ELAPOR2: variants seen among roughly 807,000 people sequenced by gnomAD.
ELAPOR2 encodes the protein endosome-lysosome associated apoptosis and autophagy regulator family member 2, also known as endosome/lysosome-associated apoptosis and autophagy regulator family member 2.
Under a neutral mutation model 120.7 loss-of-function variants are expected in ELAPOR2, and 89 were observed. That is an observed-to-expected ratio of 0.74 (90% CI 0.62 to 0.88). The LOEUF (loss-of-function observed/expected upper bound fraction) is 0.88. Ranked by LOEUF, ELAPOR2 falls within the 40% of genes least tolerant of loss-of-function variation. ELAPOR2 has a pLI of 0.00. For synonymous variants in ELAPOR2, 444 were observed against 444.9 expected, an observed-to-expected ratio of 1.00 and a Z score of 0.03; for missense variants, 1,134 against 1,251.6, an observed-to-expected ratio of 0.91 and a Z score of 1.42.
At chr7:86,922,233 T>G (rs1789864925) in intron 10 of ELAPOR2, among the ~76,000 whole-genome samples, 1 of 152,114 alleles carries the variant, frequency 6.6e-6, no homozygotes, top group East Asian at 1.9e-4. Flanking sequence ...CTATTATAAT[T>G]TTTATACATT....
At chr7:86,923,488 A>G (rs1562924595) in intron 10 of ELAPOR2, among the ~76,000 whole-genome samples, 1 of 152,022 alleles carries the variant, frequency 6.6e-6, no homozygotes, top group Non-Finnish European at 1.5e-5. Flanking sequence ...GCTATATCAT[A>G]ATTTTATTTA....
chr7:87,048,548 A>G lies in ELAPOR2; in HGVS notation c.189+10777T>C, dbSNP rs1026023087. Among the ~76,000 whole-genome samples, 13 of 152,352 alleles carry G rather than the reference A, an allele frequency of 8.5e-5. No homozygotes were observed. In the South Asian group the frequency reaches 2.7e-3, roughly 32 times the overall value. Reference sequence around the variant, plus strand: ...TGGTACAAAAAAATAGAAAAAATAAATAAGTCCTATTATTTGATACCACAA... The same window carrying G: ...TGGTACAAAAAAATAGAAAAAATAAGTAAGTCCTATTATTTGATACCACAA... On this transcript the variant is annotated intron_variant, in intron 1 of 21. Transcript: ENST00000450689.
intron 1 of ELAPOR2, among the ~76,000 whole-genome samples, chr7:87,041,406 G>T (rs141222930): frequency 1.3e-5 from 2 of 152,124 alleles, no homozygotes; most frequent in African/African-American, 2.4e-5. Flanking sequence ...CAGACTAACA[G>T]CGGATCTCTC....
chr7:87,007,499 C>A (rs1026559999), intron 1 of ELAPOR2, among the ~76,000 whole-genome samples: 1 of 152,110 alleles, frequency 6.6e-6, no homozygotes, highest in Non-Finnish European at 1.5e-5. Context: ...GATATGCACA[C>A]GTTTATATGC....
intron 1 of ELAPOR2, among the ~76,000 whole-genome samples, chr7:87,026,166 T>C (rs1794237209): frequency 2.0e-5 from 3 of 152,182 alleles, no homozygotes; most frequent in African/African-American, 7.2e-5. Context: ...CTGGAAGAGT[T>C]GTGATTTCAT....
intron 1 of ELAPOR2, among the ~76,000 whole-genome samples, chr7:87,043,223 T>C (rs1342198775): frequency 2.0e-5 from 3 of 151,406 alleles, no homozygotes; most frequent in Non-Finnish European, 4.4e-5. Flanking sequence ...ACTATTCCAA[T>C]CAATAGAAAA....
intron 1 of ELAPOR2, among the ~76,000 whole-genome samples, chr7:86,974,580 AGTGTGT>A (rs35712048): frequency 4.4e-4 from 61 of 138,828 alleles, no homozygotes; most frequent in African/African-American, 8.1e-4. Flanking sequence ...GAACCCCTGT[AGTGTGT>A]GTGTGTGTGT....
chr7:86,910,145 C>T (rs1172223234), intron 15 of ELAPOR2, 144 bp from the exon 16 acceptor site: 1 of 609,626 alleles, frequency 1.6e-6, no homozygotes, highest in Admixed American at 3.3e-5. Flanking sequence ...TGAGGCCTAG[C>T]CACCCATCAG....
intron 1 of ELAPOR2, among the ~76,000 whole-genome samples, chr7:87,006,650 T>A (rs1383260558): frequency 2.6e-5 from 4 of 152,204 alleles, no homozygotes; most frequent in Non-Finnish European, 5.9e-5. Context: ...GGTAGTTTCC[T>A]ATACAGCTCA....
At chr7:87,022,452 T>A (rs1794081251) in intron 1 of ELAPOR2, among the ~76,000 whole-genome samples, 1 of 152,142 alleles carries the variant, frequency 6.6e-6, no homozygotes, top group Non-Finnish European at 1.5e-5. Flanking sequence ...GGTGTATATG[T>A]GCCACAATTT....
At chr7:86,891,910 T>C (rs772145326) in intron 20 of ELAPOR2, 21 bp from the exon 21 acceptor site, 11 of 1,435,682 alleles carry the variant, frequency 7.7e-6, no homozygotes, top group Middle Eastern at 1.8e-4. Context: ...ATAAAATAAA[T>C]AAACAAATAA....
intron 8 of ELAPOR2, among the ~76,000 whole-genome samples, chr7:86,928,634 C>T (rs534052273): frequency 6.6e-6 from 1 of 151,970 alleles, no homozygotes; most frequent in Non-Finnish European, 1.5e-5. Context: ...AAGTCAAACA[C>T]AACTAGTAAA....
chr7:87,029,827 A>G (rs1794370377), intron 1 of ELAPOR2, among the ~76,000 whole-genome samples: 1 of 152,198 alleles, frequency 6.6e-6, no homozygotes, highest in Admixed American at 6.6e-5. Flanking sequence ...CGAGATTTAC[A>G]AAGAGGTCAT....
chr7:86,957,468 A>C (rs1178685313), intron 2 of ELAPOR2, among the ~76,000 whole-genome samples: 2 of 152,244 alleles, frequency 1.3e-5, no homozygotes, highest in Non-Finnish European at 2.9e-5. Context: ...TCTGTCCATG[A>C]GAGTTTACTC....
chr7:86,946,420 C>T (rs1791010920), intron 3 of ELAPOR2, among the ~76,000 whole-genome samples: 1 of 152,176 alleles, frequency 6.6e-6, no homozygotes, highest in Non-Finnish European at 1.5e-5. Context: ...GAGTTTTGCT[C>T]TTGTTGCCCA....
At chr7:86,948,484 A>G (rs1466075543) in intron 2 of ELAPOR2, among the ~76,000 whole-genome samples, 1 of 152,202 alleles carries the variant, frequency 6.6e-6, no homozygotes, top group Non-Finnish European at 1.5e-5. Flanking sequence ...TATCAGGCAC[A>G]TACTAAGTCC....
intron 16 of ELAPOR2, among the ~76,000 whole-genome samples, chr7:86,909,160 T>A (rs924605257): frequency 2.6e-5 from 4 of 151,974 alleles, no homozygotes; most frequent in Admixed American, 6.6e-5. Flanking sequence ...GTGCTGAAAG[T>A]CAATGCTAAA....
In ELAPOR2 at chr7:86,946,159, T is replaced by TCACACACACACACACACA. The variant is rs3223108; in HGVS notation, c.507-1131_507-1114dup. On this transcript the variant is annotated intron_variant, in intron 3 of 21. Coordinates refer to ENST00000450689, the MANE Select transcript of ELAPOR2 (RefSeq NM_001142749.3). ...AATTAAAACAAAGGGATACCATTTC[T>TCACACACACACACACACA]CACACACACACACACACACACACAC... Among the ~76,000 whole-genome samples the TCACACACACACACACACA allele has an allele frequency of 4.4e-3, 651 of 146,360 alleles. 2 individuals are homozygous for TCACACACACACACACACA. Among genetic ancestry groups the TCACACACACACACACACA allele is most frequent in the Middle Eastern group, 0.024 (7 of 294 alleles).
At chr7:86,909,359 G>A (rs916486129) in intron 16 of ELAPOR2, among the ~76,000 whole-genome samples, 1 of 151,950 alleles carries the variant, frequency 6.6e-6, no homozygotes, top group Non-Finnish European at 1.5e-5. Context: ...CAGGACTACA[G>A]AGACAAAAAG....
Sources: allele counts gnomAD v4.1 joint callset (sites outside exome capture counted in the v4.1 genomes callset), GRCh38; gene constraint gnomAD v4.1.1; transcripts MANE v1.5; gene names NCBI Gene and HGNC (gene_info 2026-07-23, HGNC 2026-07-21).